KAT6B: variants seen among roughly 807,000 people sequenced by gnomAD.
KAT6B encodes the protein histone acetyltransferase KAT6B.
A neutral mutation model predicts 187.5 loss-of-function variants in KAT6B; 10 were observed. The observed-to-expected ratio is 0.05, with a 90% CI of 0.03 to 0.09. The LOEUF (loss-of-function observed/expected upper bound fraction) is 0.09, where lower values mean the gene tolerates loss of function less well. Ranked by LOEUF, KAT6B falls within the 10% of genes least tolerant of loss-of-function variation. KAT6B has a pLI of 1.00. For missense variants in KAT6B, 1,952 were observed against 2,558.9 expected (o/e 0.76, Z 5.12); for synonymous variants, 861 against 926.8 (o/e 0.93, Z 1.29).
chr10:75,029,596 G>A lies in KAT6B; in HGVS notation c.4772G>A (p.Cys1591Tyr). Residue 1591 changes from cysteine (C) to tyrosine (Y), a missense_variant, in exon 18 of 18, where the codon TGC (cysteine) becomes TAC (tyrosine). Around this residue, in one of 9 missense-constraint regions of KAT6B, gnomAD observed 758 missense variants for 891.4 expected, o/e 0.85. Transcript: ENST00000287239. The surrounding 1 kb of genome is among the most constrained non-coding windows in gnomAD (Gnocchi z 6.2). ...CAGATTGCCACCACGCTCGACGATT[G>A]CCAACAGTCGGACCACAGTAGCCCA... is the stretch of plus-strand genomic sequence containing the variant. ...SPQIATTLDD[C>Y]QQSDHSSPVS... 6.2e-7 allele frequency: 1 copy of A among 1,614,120 alleles called. No homozygotes were observed. Among genetic ancestry groups the A allele is most frequent in the Non-Finnish European group, 8.5e-7 (1 of 1,180,018 alleles).
intron 3 of KAT6B, among the ~76,000 whole-genome samples, chr10:74,948,858 A>G (rs1840123056): frequency 6.6e-6 from 1 of 152,192 alleles, no homozygotes; most frequent in African/African-American, 2.4e-5. Context: ...CAGTACTTGC[A>G]TTGTTTTCAG....
chr10:74,848,716 A>T (rs983009215), intron 3 of KAT6B, among the ~76,000 whole-genome samples: 2 of 152,146 alleles, frequency 1.3e-5, no homozygotes, highest in African/African-American at 4.8e-5. Flanking sequence ...AGCCATTTTA[A>T]AATAGTTTGA....
At chr10:74,858,645 T>C (rs1031431808) in intron 3 of KAT6B, among the ~76,000 whole-genome samples, 3 of 151,958 alleles carry the variant, frequency 2.0e-5, no homozygotes, top group Non-Finnish European at 4.4e-5. Context: ...GCCCACAGGG[T>C]GCATGAAAAA....
chr10:74,886,854 G>A (rs955246449), intron 3 of KAT6B, among the ~76,000 whole-genome samples: 2 of 152,182 alleles, frequency 1.3e-5, no homozygotes, highest in African/African-American at 2.4e-5. Context: ...CAGGGAACTC[G>A]GAACCTAACT....
rs187608866 is a variant in KAT6B, at chr10:74,947,394, G to A, written c.622-12576G>A. 2.8e-3 allele frequency among the ~76,000 whole-genome samples: 427 copies of A among 152,244 alleles called. 5 individuals are homozygous for A. Among genetic ancestry groups the A allele is most frequent in the African/African-American group, 9.8e-3 (406 of 41,552 alleles). On this transcript the variant is annotated intron_variant, in intron 3 of 17. Coordinates refer to ENST00000287239, the MANE Select transcript of KAT6B (RefSeq NM_012330.4). Reference sequence around the variant, plus strand: ...AAAATGTGTATTTCCCCCCATAACCGTGTGCTGTTCTATTATTATTTATTT... The same window carrying A: ...AAAATGTGTATTTCCCCCCATAACCATGTGCTGTTCTATTATTATTTATTT...
At position 75,012,910 on chromosome 10, in the gene KAT6B, G is replaced by C. The variant is rs186000669; in HGVS notation, c.2630-7672G>C. ...GACCATTCCACTCTGGAATGGACTT[G>C]AAAGGATGGGGACATTCAGTAAGAA... On this transcript the variant is annotated intron_variant, in intron 13 of 17. Coordinates refer to ENST00000287239, the MANE Select transcript of KAT6B (RefSeq NM_012330.4). 2.0e-3 allele frequency among the ~76,000 whole-genome samples: 303 copies of C among 152,326 alleles called. 3 individuals are homozygous for C. The highest frequency in any genetic ancestry group is 0.017 in the South Asian group (82 of 4,830).
chr10:74,878,138 T>C (rs1239352346), intron 3 of KAT6B, among the ~76,000 whole-genome samples: 1 of 152,202 alleles, frequency 6.6e-6, no homozygotes, highest in Non-Finnish European at 1.5e-5. Flanking sequence ...CAAACATGTA[T>C]TGGGCATCTC....
At chr10:74,960,569 AAAAC>A (rs1211586873) in intron 4 of KAT6B, among the ~76,000 whole-genome samples, 4 of 152,022 alleles carry the variant, frequency 2.6e-5, no homozygotes, top group African/African-American at 9.7e-5. Flanking sequence ...AAAAAAAACA[AAAAC>A]AAAAATCGAC....
intron 3 of KAT6B, among the ~76,000 whole-genome samples, chr10:74,958,461 ACAT>A (rs1840841926): frequency 6.6e-6 from 1 of 152,192 alleles, no homozygotes; most frequent in African/African-American, 2.4e-5. Context: ...AAATATAGAG[ACAT>A]CATAGTAACA....
In KAT6B at chr10:75,006,514, G is replaced by A. The variant is rs528055524; in HGVS notation, c.2630-14068G>A. 4.0e-4 allele frequency among the ~76,000 whole-genome samples: 61 copies of A among 152,190 alleles called. No homozygotes were observed. The South Asian group carries it at 5.8e-3, about 15-fold the overall frequency. ...CACCCAGGCTGTAGTGCAGTGGTGC[G>A]ATCTCAGCTTACTGCAGCCTCACCT... On this transcript the variant is annotated intron_variant, in intron 13 of 17. Transcript: ENST00000287239.
chr10:74,982,492 G>T, intron 11 of KAT6B: 1 of 155,130 alleles, frequency 6.4e-6, no homozygotes, highest in Non-Finnish European at 1.4e-5. Flanking sequence ...CTGTCATTGT[G>T]GGTTTCTTGA....
chr10:74,907,778 T>C (rs1846882881), intron 3 of KAT6B, among the ~76,000 whole-genome samples: 2 of 152,188 alleles, frequency 1.3e-5, no homozygotes. Flanking sequence ...GATGCATCTG[T>C]CTTGGCCTCC....
At chr10:74,867,023 A>G (rs1843598538) in intron 3 of KAT6B, among the ~76,000 whole-genome samples, 1 of 152,158 alleles carries the variant, frequency 6.6e-6, no homozygotes, top group African/African-American at 2.4e-5. Context: ...TATAGTGCCC[A>G]TTATGTCTTT....
At chr10:74,964,614 C>T (rs573741254) in intron 4 of KAT6B, among the ~76,000 whole-genome samples, 3 of 152,184 alleles carry the variant, frequency 2.0e-5, no homozygotes, top group Admixed American at 6.5e-5. Flanking sequence ...GCTTTTCCAA[C>T]GAGTCTACCC....
chr10:74,866,590 T>TA (rs1181634815), intron 3 of KAT6B, among the ~76,000 whole-genome samples: 4 of 151,740 alleles, frequency 2.6e-5, no homozygotes, highest in Non-Finnish European at 5.9e-5. Flanking sequence ...GTAGATTTAC[T>TA]AAAAAAAAGG....
chr10:74,831,000 G>T (rs981528263), intron 1 of KAT6B, among the ~76,000 whole-genome samples: 8 of 151,266 alleles, frequency 5.3e-5, no homozygotes, highest in Admixed American at 2.0e-4. Flanking sequence ...TGTTGGGCAG[G>T]CTTGTTTCAA....
chr10:75,029,283 A>G lies in KAT6B; in HGVS notation c.4459A>G (p.Ser1487Gly). 6.2e-7 allele frequency: 1 copy of G among 1,614,140 alleles called. No homozygotes were observed. ...CGVDLTASCN[S>G]EPKELAGDPE... ...CGTCGACCTGACAGCTTCTTGTAAC[A>G]GTGAGCCCAAGGAGCTTGCTGGGGA... Residue 1487 changes from serine (S) to glycine (G), a missense_variant, in exon 18 of 18, where the codon AGT becomes GGT. Around this residue, in one of 9 missense-constraint regions of KAT6B, gnomAD observed 758 missense variants for 891.4 expected, o/e 0.85. Transcript: ENST00000287239. The surrounding 1 kb of genome is among the most constrained non-coding windows in gnomAD (Gnocchi z 6.2).
In KAT6B at chr10:75,029,456, C is replaced by A. The variant is rs772255130; in HGVS notation, c.4632C>A (p.Ala1544=). The change falls in exon 18 of 18, where the codon GCC becomes GCA. Residue 1544 remains alanine, a synonymous_variant. Coordinates refer to ENST00000287239, the MANE Select transcript of KAT6B (RefSeq NM_012330.4). The surrounding 1 kb of genome is among the most constrained non-coding windows in gnomAD (Gnocchi z 6.2). ...TMEIDSETVQ[A]VQSLTQESSE... ...AAATCGACTCTGAGACTGTCCAGGCCGTTCAGTCTTTGACCCAGGAGAGCA... is the reference window on the plus strand; with the variant it reads ...AAATCGACTCTGAGACTGTCCAGGCAGTTCAGTCTTTGACCCAGGAGAGCA... 1 of 1,614,104 alleles carries A rather than the reference C, an allele frequency of 6.2e-7. No individual in the cohort carries two copies. Among genetic ancestry groups the A allele is most frequent in the Non-Finnish European group, 8.5e-7 (1 of 1,180,022 alleles).
At chr10:74,891,350 T>C (rs1250074651) in intron 3 of KAT6B, among the ~76,000 whole-genome samples, 1 of 152,224 alleles carries the variant, frequency 6.6e-6, no homozygotes, top group African/African-American at 2.4e-5. Flanking sequence ...ATCTGAAATG[T>C]GGAGGGTCAT....
Sources: gnomAD v4.1 joint callset for allele counts (sites outside exome capture counted in the v4.1 genomes callset) on GRCh38, gnomAD v4.1.1 for gene constraint, gnomAD v4.1.1 regional missense constraint, Gnocchi (gnomAD v3.1) non-coding constraint, MANE v1.5 for transcripts, NCBI Gene and HGNC (gene_info 2026-07-23, HGNC 2026-07-21) for gene names.